Variants in ASPRV1 observed in about 807,000 individuals in gnomAD.
ASPRV1 encodes the protein aspartic peptidase retroviral like 1.
In ASPRV1, 7 loss-of-function variants were observed where a neutral mutation model predicts 11.0. The observed-to-expected ratio is 0.64, with a 90% CI of 0.36 to 1.20. ASPRV1 has a LOEUF of 1.20. ASPRV1 is among the 50% of genes most tolerant of loss of function. The pLI, the probability that ASPRV1 is intolerant of heterozygous loss-of-function variation, is 0.02. For synonymous variants in ASPRV1, 136 were observed against 138.4 expected, an observed-to-expected ratio of 0.98 and a Z score of 0.12; for missense variants, 299 against 320.0, an observed-to-expected ratio of 0.93 and a Z score of 0.50.
downstream of ASPRV1, among the ~76,000 whole-genome samples, chr2:69,958,836 C>G (rs898985006): frequency 1.3e-5 from 2 of 152,196 alleles, no homozygotes; most frequent in Non-Finnish European, 2.9e-5. Context: ...TCTCTCACCC[C>G]CTTCTCCAGT....
the ASPRV1 span, among the ~76,000 whole-genome samples, chr2:69,949,173 T>C: frequency 6.6e-6 from 1 of 152,084 alleles, no homozygotes; most frequent in Non-Finnish European, 1.5e-5. Flanking sequence ...GAGCAGACCC[T>C]GCAGGCCCCC....
the ASPRV1 span, chr2:70,069,120 C>T: frequency 6.6e-6 from 1 of 152,168 alleles, no homozygotes; most frequent in East Asian, 1.9e-4. Context: ...AGGCCTTACC[C>T]AACAGCTGAT....
chr2:69,961,642 C>T, upstream of ASPRV1: 8 of 1,583,118 alleles, frequency 5.1e-6, no homozygotes, highest in Non-Finnish European at 6.9e-6. Flanking sequence ...GGCCTGTTCA[C>T]TCTGCAGAGC....
the ASPRV1 span, among the ~76,000 whole-genome samples, chr2:69,977,111 G>C: frequency 6.6e-6 from 1 of 152,060 alleles, no homozygotes; most frequent in Admixed American, 6.5e-5. Context: ...AGAATCACTT[G>C]AACATGGGAG....
the ASPRV1 span, among the ~76,000 whole-genome samples, chr2:69,950,824 C>T: frequency 2.0e-5 from 3 of 149,620 alleles, no homozygotes; most frequent in Admixed American, 6.7e-5. Flanking sequence ...GCATGGGCAA[C>T]AGAGTGGGAC....
the ASPRV1 span, among the ~76,000 whole-genome samples, chr2:69,936,286 G>T: frequency 6.6e-6 from 1 of 152,066 alleles, no homozygotes; most frequent in South Asian, 2.1e-4. Context: ...TTTGACAGTG[G>T]TTTGTGTGAC....
At chr2:69,959,188 G>A (rs1226217428), downstream of ASPRV1, among the ~76,000 whole-genome samples, 1 of 152,164 alleles carries the variant, frequency 6.6e-6, no homozygotes, top group Non-Finnish European at 1.5e-5. Flanking sequence ...ATTCCACCCT[G>A]GAGGATGGAA....
the ASPRV1 span, among the ~76,000 whole-genome samples, chr2:70,023,756 A>G: frequency 4.6e-4 from 70 of 152,094 alleles, no homozygotes; most frequent in Non-Finnish European, 7.5e-4. Flanking sequence ...TTCTTTTTTA[A>G]AAGTCCTTTT....
chr2:70,076,260 C>G, the ASPRV1 span, among the ~76,000 whole-genome samples: 10 of 152,288 alleles, frequency 6.6e-5, no homozygotes, highest in Middle Eastern at 0.02. Flanking sequence ...GGTGATGCAG[C>G]GTAATGGTTA....
At chr2:69,937,504 T>G in the ASPRV1 span, 8 of 1,092,500 alleles carry the variant, frequency 7.3e-6, no homozygotes, top group South Asian at 1.6e-5. Context: ...AGACACTGGG[T>G]ATGATGTAGA....
chr2:69,935,829 T>C, the ASPRV1 span, among the ~76,000 whole-genome samples: 1 of 152,190 alleles, frequency 6.6e-6, no homozygotes, highest in African/African-American at 2.4e-5. Flanking sequence ...GAGGTCTCCC[T>C]ATATCCCTCT....
the ASPRV1 span, chr2:69,941,001 G>A: frequency 2.6e-5 from 4 of 152,562 alleles, no homozygotes; most frequent in Non-Finnish European, 5.9e-5. Context: ...TAAGCAAGAT[G>A]AAAACCTTTC....
the ASPRV1 span, among the ~76,000 whole-genome samples, chr2:70,058,185 C>T: frequency 6.6e-5 from 10 of 152,212 alleles, no homozygotes; most frequent in African/African-American, 2.2e-4. Flanking sequence ...CTTCTCAATG[C>T]TATGGTCACC....
chr2:70,044,053 G>A, the ASPRV1 span, among the ~76,000 whole-genome samples: 3 of 152,078 alleles, frequency 2.0e-5, no homozygotes, highest in Non-Finnish European at 4.4e-5. Context: ...CTGCAACTAG[G>A]GGCACAGTGC....
At chr2:69,979,311 G>C in the ASPRV1 span, among the ~76,000 whole-genome samples, 1 of 152,204 alleles carries the variant, frequency 6.6e-6, no homozygotes, top group Admixed American at 6.5e-5. Context: ...GGGATTATAG[G>C]TGTGAGCCAC....
the ASPRV1 span, among the ~76,000 whole-genome samples, chr2:70,080,098 C>T: frequency 6.6e-6 from 1 of 152,100 alleles, no homozygotes; most frequent in Non-Finnish European, 1.5e-5. Flanking sequence ...CTTTCTCTCC[C>T]CTCTAACTCA....
At chr2:70,053,481 T>C in the ASPRV1 span, among the ~76,000 whole-genome samples, 1 of 152,168 alleles carries the variant, frequency 6.6e-6, no homozygotes, top group Non-Finnish European at 1.5e-5. Flanking sequence ...CCAGGCTCTG[T>C]GTTAAGTGCT....
the ASPRV1 span, among the ~76,000 whole-genome samples, chr2:69,977,653 G>A: frequency 6.6e-6 from 1 of 152,180 alleles, no homozygotes; most frequent in Non-Finnish European, 1.5e-5. Context: ...CACCTAGGAG[G>A]GGCCTAATAA....
chr2:70,058,113 G>C, the ASPRV1 span, among the ~76,000 whole-genome samples: 2 of 152,126 alleles, frequency 1.3e-5, no homozygotes, highest in African/African-American at 4.8e-5. Context: ...GTATGTGTTG[G>C]CTTTATCAGT....
Sources: allele counts gnomAD v4.1 joint callset (sites outside exome capture counted in the v4.1 genomes callset), GRCh38; gene constraint gnomAD v4.1.1; transcripts MANE v1.5; gene names NCBI Gene and HGNC (gene_info 2026-07-23, HGNC 2026-07-21).